Variants in GRAMD1B observed in about 807,000 individuals in gnomAD.
The protein encoded by GRAMD1B is protein Aster-B.
A neutral mutation model predicts 99.7 loss-of-function variants in GRAMD1B; 37 were observed. The ratio of observed to expected loss-of-function variants is 0.37; its 90% CI spans 0.29 to 0.49. GRAMD1B has a LOEUF of 0.49. Among genes scored for constraint, GRAMD1B ranks in the 20% least tolerant of loss-of-function variants. The pLI is 0.98. For synonymous variants in GRAMD1B, 427 were observed against 387.6 expected, an observed-to-expected ratio of 1.10 and a Z score of -1.19; for missense variants, 888 against 1,009.2, an observed-to-expected ratio of 0.88 and a Z score of 1.63.
chr11:123,589,710 A>C (rs76934425), intron 4 of GRAMD1B, among the ~76,000 whole-genome samples: 1,981 of 151,366 alleles, frequency 0.013, 32 homozygotes, highest in African/African-American at 0.034. Flanking sequence ...GATCCGTCCG[A>C]ATTGGCTTCC....
At chr11:123,437,582 C>T (rs911376064) in intron 1 of GRAMD1B, among the ~76,000 whole-genome samples, 24 of 152,266 alleles carry the variant, frequency 1.6e-4, no homozygotes, top group African/African-American at 5.8e-4. Context: ...AACACACCTA[C>T]CCCCGTCATG....
rs10674808 is a variant in GRAMD1B, at chr11:123,402,967, CT to C, written c.-176+44180del. ...TATATATACCCAAAGGATTAAAAAT[CT>C]TTTTTTTTTTTAAACCATCTTACTG... On this transcript the variant is annotated intron_variant, in intron 1 of 20. Coordinates refer to the GRAMD1B transcript ENST00000638157. 3.2e-3 allele frequency among the ~76,000 whole-genome samples: 479 copies of C among 148,056 alleles called. 1 individual carries two copies. Among genetic ancestry groups the C allele is most frequent in the African/African-American group, 0.01 (414 of 40,402 alleles).
chr11:123,611,254 A>G (rs1297016198), intron 14 of GRAMD1B, among the ~76,000 whole-genome samples: 1 of 151,932 alleles, frequency 6.6e-6, no homozygotes, highest in Non-Finnish European at 1.5e-5. Flanking sequence ...TGGGCAATGT[A>G]GTGAGACCCT....
chr11:123,425,779 C>T (rs924957450), upstream of GRAMD1B, among the ~76,000 whole-genome samples: 3 of 152,214 alleles, frequency 2.0e-5, no homozygotes, highest in African/African-American at 4.8e-5. Flanking sequence ...TTAACCAGCA[C>T]CAGCCTCCTC....
intron 2 of GRAMD1B, among the ~76,000 whole-genome samples, chr11:123,538,690 G>A (rs977181318): frequency 6.6e-6 from 1 of 151,874 alleles, no homozygotes. Flanking sequence ...CTCAATCTGG[G>A]CTCACTGCAA....
intron 2 of GRAMD1B, among the ~76,000 whole-genome samples, chr11:123,535,563 T>A (rs897865552): frequency 6.6e-6 from 1 of 152,178 alleles, no homozygotes; most frequent in Non-Finnish European, 1.5e-5. Context: ...CAGTAGGTGA[T>A]GCAGTAGAAG....
At chr11:123,519,094 GC>G (rs1178309306) in intron 2 of GRAMD1B, among the ~76,000 whole-genome samples, 1 of 152,198 alleles carries the variant, frequency 6.6e-6, no homozygotes, top group Non-Finnish European at 1.5e-5. Context: ...CCTGCACAGC[GC>G]TGTTTCACCC....
chr11:123,506,742 G>T (rs1453972984), intron 2 of GRAMD1B, among the ~76,000 whole-genome samples: 2 of 151,434 alleles, frequency 1.3e-5, no homozygotes. Context: ...ACCTGAATTA[G>T]TACCCCTCCC....
chr11:123,487,311 G>C lies in GRAMD1B; in HGVS notation c.452+6418G>C, dbSNP rs570469268. On this transcript the variant is annotated intron_variant, in intron 2 of 19. Coordinates refer to ENST00000635736, the MANE Select transcript of GRAMD1B (RefSeq NM_001387025.1). ...TCCAGAAAACTCTACAGAGGGGGCT[G>C]TGCTTCAGCTGAGAACTGCAAGAGG... 7.9e-5 allele frequency among the ~76,000 whole-genome samples: 12 copies of C among 152,294 alleles called. No individual in the cohort carries two copies. The South Asian group carries it at 2.1e-3, about 26-fold the overall frequency.
chr11:123,576,864 G>A (rs562528632), intron 2 of GRAMD1B, among the ~76,000 whole-genome samples: 2 of 152,200 alleles, frequency 1.3e-5, no homozygotes, highest in African/African-American at 4.8e-5. Context: ...CTCCCTTGGT[G>A]GAATGTTTTA....
chr11:123,530,318 G>A (rs1306503184), intron 2 of GRAMD1B, among the ~76,000 whole-genome samples: 2 of 152,060 alleles, frequency 1.3e-5, no homozygotes, highest in South Asian at 2.1e-4. Context: ...GGCAAGTGGG[G>A]TGCTGTTCAT....
chr11:123,456,393 G>C (rs1950120769), intron 1 of GRAMD1B, among the ~76,000 whole-genome samples: 1 of 152,158 alleles, frequency 6.6e-6, no homozygotes, highest in South Asian at 2.1e-4. Flanking sequence ...GCAAACTCGA[G>C]TTTTATTCTT....
Position 123,597,120 on chromosome 11 carries a change from G to A in GRAMD1B, c.969+1083G>A, listed in dbSNP as rs189745779. 3.0e-3 allele frequency among the ~76,000 whole-genome samples: 448 copies of A among 149,410 alleles called. 4 individuals are homozygous for A. The highest frequency in any genetic ancestry group is 0.012 in the Admixed American group (180 of 14,834). Reference sequence around the variant, plus strand: ...TTGGGCTGCAGGCCAATTCCAAAGAGTCCAACTCCTTTTTTTTTTTTTTTT... The same window carrying A: ...TTGGGCTGCAGGCCAATTCCAAAGAATCCAACTCCTTTTTTTTTTTTTTTT... On this transcript the variant is annotated intron_variant, in intron 7 of 19. Transcript: ENST00000635736.
intron 1 of GRAMD1B, among the ~76,000 whole-genome samples, chr11:123,444,806 T>G (rs1949564269): frequency 6.6e-6 from 1 of 152,080 alleles, no homozygotes; most frequent in Non-Finnish European, 1.5e-5. Context: ...TCCAAGAGTT[T>G]TCATAGAGCT....
intron 2 of GRAMD1B, among the ~76,000 whole-genome samples, chr11:123,502,661 G>A (rs1939984832): frequency 1.3e-5 from 2 of 151,754 alleles, no homozygotes. Context: ...TGTAATCCCA[G>A]CTAATCGGGA....
intron 2 of GRAMD1B, among the ~76,000 whole-genome samples, chr11:123,558,332 A>T (rs904437838): frequency 2.0e-5 from 3 of 152,120 alleles, no homozygotes; most frequent in Non-Finnish European, 4.4e-5. Flanking sequence ...TACATGCTGG[A>T]GGGACATGAA....
chr11:123,511,777 G>C (rs1004186573), intron 2 of GRAMD1B, among the ~76,000 whole-genome samples: 3 of 152,148 alleles, frequency 2.0e-5, no homozygotes, highest in Non-Finnish European at 2.9e-5. Flanking sequence ...CGGCAAGTCT[G>C]CTGCCAGCCT....
intron 2 of GRAMD1B, among the ~76,000 whole-genome samples, chr11:123,534,291 C>G (rs1381216787): frequency 3.9e-5 from 6 of 152,126 alleles, no homozygotes; most frequent in African/African-American, 1.4e-4. Context: ...TCATAAAGGC[C>G]TTCATCCTTA....
In GRAMD1B at chr11:123,513,592, T is replaced by TC. The variant is rs1402121833; in HGVS notation, c.452+32701dup. On this transcript the variant is annotated intron_variant, in intron 2 of 19. Coordinates refer to ENST00000635736, the MANE Select transcript of GRAMD1B (RefSeq NM_001387025.1). ...TCCTTCCTTCCTTTCCTTCCTTCCT[T>TC]CCTTCCTTCCTTCCTTCCTTCCTTC... 8.4e-4 allele frequency among the ~76,000 whole-genome samples: 77 copies of TC among 92,040 alleles called. 1 individual carries two copies. Among genetic ancestry groups the TC allele is most frequent in the African/African-American group, 3.7e-3 (75 of 20,328 alleles). The allele number at this position is 92,040 out of a possible 152,430, so 60.4% of individuals were successfully genotyped here.
Sources: allele counts gnomAD v4.1 joint callset (sites outside exome capture counted in the v4.1 genomes callset), GRCh38; gene constraint gnomAD v4.1.1; transcripts MANE v1.5; gene names NCBI Gene and HGNC (gene_info 2026-07-23, HGNC 2026-07-21).